The following RRAS2 variants were observed in gnomAD, a reference collection of about 807,000 sequenced individuals.
RRAS2 encodes the protein ras-related protein R-Ras2.
A neutral mutation model predicts 27.6 loss-of-function variants in RRAS2; 7 were observed. That is an observed-to-expected ratio of 0.25 (90% CI 0.14 to 0.48). The LOEUF is 0.48. Among genes scored for constraint, RRAS2 ranks in the 20% least tolerant of loss-of-function variants. The pLI, the probability that RRAS2 is intolerant of heterozygous loss-of-function variation, is 0.99. For synonymous variants in RRAS2, 86 were observed against 90.9 expected (o/e 0.95, Z 0.31); for missense variants, 178 against 256.2 (o/e 0.69, Z 2.08).
rs1564958674 is a variant in RRAS2 at position 14,295,763 on chromosome 11, C to T, written c.196+5G>A. 6.3e-7 allele frequency: 1 copy of T among 1,590,578 alleles called. No homozygotes were observed. The highest frequency in any genetic ancestry group is 1.8e-5 in the Admixed American group (1 of 57,128). ...CAAATTATCAAACAAAGGAAGTTTA[C>T]TTACTATCTAGCCGGGCTGCTCTGT... is the stretch of plus-strand genomic sequence containing the variant. On this transcript the variant is annotated splice_donor_5th_base_variant and intron_variant, in intron 2 of 5. Coordinates refer to ENST00000256196, the MANE Select transcript of RRAS2 (RefSeq NM_012250.6).
rs143598564 is a variant in RRAS2 at position 14,300,901 on chromosome 11, C to T, written c.109-5046G>A. 4.0e-3 allele frequency among the ~76,000 whole-genome samples: 608 copies of T among 152,340 alleles called. 5 individuals carry two copies. Among genetic ancestry groups the T allele is most frequent in the Non-Finnish European group, 5.8e-3 (396 of 68,022 alleles). ...AAAGTGTAGTTCCCAAACACTGCCA[C>T]AGAGTGGTGCCTGGTCTACACCCTG... On this transcript the variant is annotated intron_variant, in intron 1 of 5. Transcript: ENST00000256196.
intron 1 of RRAS2, among the ~76,000 whole-genome samples, chr11:14,340,150 G>A (rs1275612857): frequency 7.2e-6 from 1 of 138,358 alleles, no homozygotes; most frequent in Admixed American, 7.1e-5. Context: ...CCAGGCTGGA[G>A]TGTAGTGGCG....
intron 1 of RRAS2, among the ~76,000 whole-genome samples, chr11:14,312,482 C>T (rs1231997870): frequency 6.6e-6 from 1 of 152,112 alleles, no homozygotes; most frequent in Non-Finnish European, 1.5e-5. Flanking sequence ...TGCAGTGGCC[C>T]GATCACGGCT....
chr11:14,361,251 C>T (rs1222479497), upstream of RRAS2, among the ~76,000 whole-genome samples: 4 of 151,578 alleles, frequency 2.6e-5, no homozygotes, highest in East Asian at 2.0e-4. Context: ...CGTGAGATCA[C>T]GAGATCACAC....
intron 4 of RRAS2, among the ~76,000 whole-genome samples, chr11:14,282,204 G>A (rs782632459): frequency 1.3e-4 from 20 of 152,148 alleles, no homozygotes; most frequent in Admixed American, 2.6e-4. Flanking sequence ...TAAAAGAAGC[G>A]TCACATAGCT....
rs187232548 is a variant in RRAS2, at chr11:14,327,867, T to C, written c.108+30896A>G. ...TATTTACTTCTTTCCATACGGCAGGTAATGAGAATGGATGTTGTCTCTTAC... is the reference window on the plus strand; with the variant it reads ...TATTTACTTCTTTCCATACGGCAGGCAATGAGAATGGATGTTGTCTCTTAC... On this transcript the variant is annotated intron_variant, in intron 1 of 5. Transcript: ENST00000256196. Among the ~76,000 whole-genome samples, 111 of 152,136 alleles carry C rather than the reference T, an allele frequency of 7.3e-4. No homozygotes were observed. In the East Asian group the frequency reaches 0.02, roughly 28 times the overall value.
intron 1 of RRAS2, among the ~76,000 whole-genome samples, chr11:14,336,434 T>C (rs1177761448): frequency 3.3e-5 from 5 of 151,900 alleles, no homozygotes; most frequent in Non-Finnish European, 7.4e-5. Context: ...ATGTCAGAAT[T>C]ATCTGGCAAA....
At chr11:14,325,760 G>A (rs1238592377) in intron 1 of RRAS2, among the ~76,000 whole-genome samples, 2 of 152,056 alleles carry the variant, frequency 1.3e-5, no homozygotes, top group Non-Finnish European at 1.5e-5. Context: ...AATTTTGTAT[G>A]GAAGACTGTA....
chr11:14,278,419 TACAA>T lies in RRAS2; in HGVS notation c.*914_*917del, dbSNP rs1398460181. 3 of 152,246 alleles carry T rather than the reference TACAA, an allele frequency of 2.0e-5. No homozygotes were observed. Among genetic ancestry groups the T allele is most frequent in the Non-Finnish European group, 4.4e-5 (3 of 68,036 alleles). The allele number at this position is 152,246 out of a possible 1,614,324, so 9.4% of individuals were successfully genotyped here. On this transcript the variant is annotated 3_prime_UTR_variant, in exon 6 of 6. Coordinates refer to ENST00000256196, the MANE Select transcript of RRAS2 (RefSeq NM_012250.6). The stretch of plus-strand genomic sequence containing the variant: ...GGTATGCTATGAAAGCATATCTGCT[TACAA>T]ACATATAAAAATACTTGTTAACTAG...
intron 1 of RRAS2, among the ~76,000 whole-genome samples, chr11:14,317,750 A>T (rs1848142053): frequency 6.6e-6 from 1 of 152,180 alleles, no homozygotes; most frequent in Non-Finnish European, 1.5e-5. Flanking sequence ...TCCCTACAAA[A>T]CAAATCATTG....
At chr11:14,299,961 A>G (rs1441258419) in intron 1 of RRAS2, among the ~76,000 whole-genome samples, 3 of 152,192 alleles carry the variant, frequency 2.0e-5, no homozygotes, top group African/African-American at 7.2e-5. Flanking sequence ...AGAAAAGAAA[A>G]CAGTCTCTCT....
At chr11:14,287,151 C>G (rs1849681181) in intron 4 of RRAS2, among the ~76,000 whole-genome samples, 1 of 152,156 alleles carries the variant, frequency 6.6e-6, no homozygotes, top group Non-Finnish European at 1.5e-5. Flanking sequence ...CATCTGGTTA[C>G]CACTGACAAG....
chr11:14,313,263 ATG>A (rs1216029511), intron 1 of RRAS2, among the ~76,000 whole-genome samples: 1 of 152,236 alleles, frequency 6.6e-6, no homozygotes. Context: ...GCTTGTCTGT[ATG>A]TGCTCAGCCT....
intron 1 of RRAS2, among the ~76,000 whole-genome samples, chr11:14,323,914 T>C (rs1409543216): frequency 2.0e-5 from 3 of 150,784 alleles, no homozygotes; most frequent in Non-Finnish European, 4.4e-5. Flanking sequence ...ATTCACCATA[T>C]GAACAGACTA....
rs141318259 is a variant in RRAS2 at position 14,289,679 on chromosome 11, T to C, written c.408+4792A>G. Among the ~76,000 whole-genome samples the C allele has an allele frequency of 6.4e-3, 973 of 152,258 alleles. 17 individuals are homozygous for C. The highest frequency in any genetic ancestry group is 0.022 in the African/African-American group (920 of 41,552). Reference sequence around the variant, plus strand: ...TGTCTACTGCTGCATCATCACTGCCTAGAAAAGGTGTTCAATAAATACTGG... The same window carrying C: ...TGTCTACTGCTGCATCATCACTGCCCAGAAAAGGTGTTCAATAAATACTGG... On this transcript the variant is annotated intron_variant, in intron 4 of 5. Coordinates refer to ENST00000256196, the MANE Select transcript of RRAS2 (RefSeq NM_012250.6).
At position 14,278,297 on chromosome 11, in the gene RRAS2, A is replaced by G; in HGVS notation, c.*1040T>C. On this transcript the variant is annotated 3_prime_UTR_variant, in exon 6 of 6. Transcript: ENST00000256196. ...TACAACCAAGACCAGACCAGCAAGTAAAAGTTCTACCACAGTTTCTGTAGT... is the reference window on the plus strand; with the variant it reads ...TACAACCAAGACCAGACCAGCAAGTGAAAGTTCTACCACAGTTTCTGTAGT... 6.6e-6 allele frequency: 1 copy of G among 152,240 alleles called. No homozygotes were observed. Among genetic ancestry groups the G allele is most frequent in the Non-Finnish European group, 1.5e-5 (1 of 68,032 alleles). The allele number at this position is 152,240 out of a possible 1,614,324, so 9.4% of individuals were successfully genotyped here.
At chr11:14,328,818 C>G (rs1554951490) in intron 1 of RRAS2, among the ~76,000 whole-genome samples, 1 of 151,998 alleles carries the variant, frequency 6.6e-6, no homozygotes, top group Admixed American at 6.6e-5. Flanking sequence ...GCATGCGCCA[C>G]TATGCCCAGC....
At chr11:14,341,596 A>AT (rs1848707609) in intron 1 of RRAS2, among the ~76,000 whole-genome samples, 1 of 152,154 alleles carries the variant, frequency 6.6e-6, no homozygotes, top group African/African-American at 2.4e-5. Flanking sequence ...GACCAAAAAA[A>AT]AAATAAAAAT....
chr11:14,342,694 C>T (rs1011613405), intron 1 of RRAS2, among the ~76,000 whole-genome samples: 13 of 152,010 alleles, frequency 8.6e-5, no homozygotes, highest in Middle Eastern at 3.2e-3. Context: ...AATGCAAACT[C>T]AAGGTTAATA....
Sources: gnomAD v4.1 joint callset for allele counts (sites outside exome capture counted in the v4.1 genomes callset) on GRCh38, gnomAD v4.1.1 for gene constraint, MANE v1.5 for transcripts, NCBI Gene and HGNC (gene_info 2026-07-23, HGNC 2026-07-21) for gene names.